The following UNC93A variants were observed in gnomAD, a reference collection of about 807,000 sequenced individuals.
The protein encoded by UNC93A is unc-93 homolog A.
A neutral mutation model predicts 47.5 loss-of-function variants in UNC93A; 43 were observed. The observed-to-expected ratio is 0.91, with a 90% confidence interval of 0.71 to 1.17. The LOEUF (loss-of-function observed/expected upper bound fraction) is 1.17, where lower values mean the gene tolerates loss of function less well. Among genes scored for constraint, UNC93A ranks in the 50% most tolerant of loss-of-function variants. The pLI, the probability that UNC93A is intolerant of heterozygous loss-of-function variation, is 0.00. For missense variants in UNC93A, 605 were observed against 577.6 expected (o/e 1.05, Z -0.49); for synonymous variants, 280 against 258.0 (o/e 1.09, Z -0.82).
At chr6:167,300,333 G>A (rs1447231640) in intron 4 of UNC93A, among the ~76,000 whole-genome samples, 2 of 152,160 alleles carry the variant, frequency 1.3e-5, no homozygotes, top group Admixed American at 1.3e-4. Context: ...GCAACACTGA[G>A]GGCCAGGCAG....
At chr6:167,270,671 A>G (rs1783437102), upstream of UNC93A, among the ~76,000 whole-genome samples, 1 of 152,186 alleles carries the variant, frequency 6.6e-6, no homozygotes, top group African/African-American at 2.4e-5. Flanking sequence ...GTGAGCCTCG[A>G]GTTCCATGTG....
chr6:167,302,289 G>A (rs1462734022), intron 4 of UNC93A, among the ~76,000 whole-genome samples: 1 of 152,198 alleles, frequency 6.6e-6, no homozygotes, highest in East Asian at 1.9e-4. Flanking sequence ...GGACACTGAT[G>A]CTGAGAGAGA....
rs571538352 is a variant in UNC93A at position 167,296,201 on chromosome 6, T to A, written c.439T>A (p.Ser147Thr). 6.8e-6 allele frequency: 11 copies of A among 1,614,096 alleles called. No homozygotes were observed. In the African/African-American group the frequency reaches 1.3e-4, roughly 20 times the overall value. The change falls in exon 3 of 8, where the codon TCA becomes ACA. Residue 147 changes from serine (S) to threonine (T), a missense_variant. Coordinates refer to ENST00000230256, the MANE Select transcript of UNC93A (RefSeq NM_018974.4). The stretch of plus-strand genomic sequence containing the variant: ...TGGCATCTTCTTCCTCATATTCCAG[T>A]CATCCGGTGTGTGGGGCAACTTGAT... ...YFGIFFLIFQ[S>T]SGVWGNLISS...
intron 7 of UNC93A, among the ~76,000 whole-genome samples, chr6:167,308,502 C>T (rs73264869): frequency 0.04 from 5,996 of 151,742 alleles, 374 homozygotes; most frequent in African/African-American, 0.13. Flanking sequence ...CCAGGGTGGG[C>T]TTCCTCCTAG....
chr6:167,302,582 C>T (rs890878153), intron 4 of UNC93A, among the ~76,000 whole-genome samples: 6 of 152,028 alleles, frequency 3.9e-5, no homozygotes, highest in South Asian at 2.1e-4. Flanking sequence ...AAGTGAGAAA[C>T]GCCTAAATAA....
At chr6:167,276,820 T>A (rs1049512327) in intron 1 of UNC93A, among the ~76,000 whole-genome samples, 3 of 152,250 alleles carry the variant, frequency 2.0e-5, no homozygotes, top group African/African-American at 7.2e-5. Flanking sequence ...CCGGGAGTCG[T>A]GGCCATCCCT....
chr6:167,285,079 C>G (rs1319178031), intron 1 of UNC93A, among the ~76,000 whole-genome samples: 1 of 152,150 alleles, frequency 6.6e-6, no homozygotes, highest in African/African-American at 2.4e-5. Context: ...CCGTCTGGGC[C>G]TTCGGGCCCT....
chr6:167,312,846 A>G (rs747954202), intron 7 of UNC93A, among the ~76,000 whole-genome samples: 4 of 152,228 alleles, frequency 2.6e-5, no homozygotes, highest in Non-Finnish European at 4.4e-5. Context: ...TTAAAATAGG[A>G]ACCAAATCTT....
At chr6:167,292,044 C>T (rs976179671) in intron 1 of UNC93A, among the ~76,000 whole-genome samples, 2 of 152,192 alleles carry the variant, frequency 1.3e-5, no homozygotes, top group African/African-American at 4.8e-5. Context: ...ATACTTTGAA[C>T]TCCTTATGGC....
At position 167,304,124 on chromosome 6, in the gene UNC93A, A is replaced by T. The variant is rs1209860115; in HGVS notation, c.831A>T (p.Glu277Asp). ...SGLQQGFLSS[E>D]YTRSYVTCTL... is the part of the protein sequence containing the mutation. ...TGCAGCAAGGATTCCTCTCCAGCGA[A>T]TACACAAGGGTATGAACGAAAGTGA... is the stretch of plus-strand genomic sequence containing the variant. The change falls in exon 5 of 8, where the codon GAA becomes GAT. Residue 277 changes from glutamate (E) to aspartate (D), a missense_variant. Coordinates refer to ENST00000230256, the MANE Select transcript of UNC93A (RefSeq NM_018974.4). 1 of 1,614,204 alleles carries T rather than the reference A, an allele frequency of 6.2e-7. No individual in the cohort carries two copies. Among genetic ancestry groups the T allele is most frequent in the African/African-American group, 1.3e-5 (1 of 75,048 alleles).
intron 1 of UNC93A, 102 bp from the exon 2 acceptor site, chr6:167,294,415 G>C: frequency 7.1e-7 from 1 of 1,399,210 alleles, no homozygotes; most frequent in Non-Finnish European, 9.7e-7. Context: ...CGGTTCCTGG[G>C]AGCTGTGGCG....
chr6:167,306,108 G>T, intron 6 of UNC93A, 58 bp downstream of exon 6: 4 of 1,605,258 alleles, frequency 2.5e-6, no homozygotes, highest in Non-Finnish European at 3.4e-6. Flanking sequence ...TAGCAAAAGC[G>T]CACAGCTCAC....
At chr6:167,308,640 C>T (rs1283860330) in intron 7 of UNC93A, among the ~76,000 whole-genome samples, 3 of 149,150 alleles carry the variant, frequency 2.0e-5, no homozygotes, top group African/African-American at 7.5e-5. Context: ...AGAAGGCGGC[C>T]TGGGGGGAGT....
At chr6:167,271,017 A>C (rs1783442943), upstream of UNC93A, among the ~76,000 whole-genome samples, 1 of 152,138 alleles carries the variant, frequency 6.6e-6, no homozygotes, top group South Asian at 2.1e-4. Flanking sequence ...CCTGGATGGG[A>C]AGGATTGTGC....
chr6:167,283,913 G>A (rs762818235), intron 1 of UNC93A, among the ~76,000 whole-genome samples: 1 of 152,174 alleles, frequency 6.6e-6, no homozygotes, highest in Non-Finnish European at 1.5e-5. Context: ...TGGTATGAGG[G>A]CATTTCAGCA....
rs553092932 is a variant in UNC93A, at chr6:167,310,638, T to C, written c.1108+2728T>C. Among the ~76,000 whole-genome samples, 9 of 152,296 alleles carry C rather than the reference T, an allele frequency of 5.9e-5. No homozygotes were observed. The East Asian group carries it at 1.7e-3, about 29-fold the overall frequency. On this transcript the variant is annotated intron_variant, in intron 7 of 7. Coordinates refer to ENST00000230256, the MANE Select transcript of UNC93A (RefSeq NM_018974.4). The stretch of plus-strand genomic sequence containing the variant: ...TCTCACCCCTGTAATCCCACCACTT[T>C]GGGAGGATGAACCAGACAGATCACT...
chr6:167,298,941 C>T (rs1259961147), intron 4 of UNC93A, among the ~76,000 whole-genome samples: 1 of 151,636 alleles, frequency 6.6e-6, no homozygotes, highest in Admixed American at 6.6e-5. Context: ...TGGTGAAACC[C>T]CATTTGCACT....
intron 6 of UNC93A, among the ~76,000 whole-genome samples, chr6:167,307,114 A>T (rs932324248): frequency 6.6e-6 from 1 of 152,102 alleles, no homozygotes; most frequent in Non-Finnish European, 1.5e-5. Flanking sequence ...GGATGCTTCA[A>T]TTTATACCTA....
chr6:167,306,379 C>T (rs1434994678), intron 6 of UNC93A, among the ~76,000 whole-genome samples: 2 of 152,144 alleles, frequency 1.3e-5, no homozygotes, highest in East Asian at 3.9e-4. Context: ...GGACACGAAG[C>T]CAGTGGTGAG....
Sources: allele counts gnomAD v4.1 joint callset (sites outside exome capture counted in the v4.1 genomes callset), GRCh38; gene constraint gnomAD v4.1.1; transcripts MANE v1.5; gene names NCBI Gene and HGNC (gene_info 2026-07-23, HGNC 2026-07-21).